The following EIF3A variants were observed in gnomAD, a reference collection of about 807,000 sequenced individuals.
EIF3A encodes EIF3, p180 subunit.
In EIF3A, 21 loss-of-function variants were observed where a neutral mutation model predicts 186.6. That is an observed-to-expected ratio of 0.11 (90% CI 0.08 to 0.16). EIF3A has a LOEUF of 0.16. Among genes scored for constraint, EIF3A ranks in the 10% least tolerant of loss-of-function variants. EIF3A has a pLI of 1.00. For synonymous variants in EIF3A, 563 were observed against 584.3 expected (o/e 0.96, Z 0.52); for missense variants, 1,306 against 1,796.3 (o/e 0.73, Z 4.93).
rs1344899466 is a variant in EIF3A, at chr10:119,073,058, A to C, written c.378-5T>G. The stretch of plus-strand genomic sequence containing the variant: ...CTTACAGCACTTAGGAGAACACTAC[A>C]AAGAAAAAAATGTTGAAAACAATTT... On this transcript the variant is annotated splice_region_variant and splice_polypyrimidine_tract_variant and intron_variant, in intron 3 of 21. Coordinates refer to ENST00000369144, the MANE Select transcript of EIF3A (RefSeq NM_003750.4). The C allele has an allele frequency of 1.3e-6, 2 of 1,589,702 alleles. No individual in the cohort carries two copies. Among genetic ancestry groups the C allele is most frequent in the South Asian group, 1.2e-5 (1 of 86,562 alleles).
chr10:119,048,361 G>A (rs1848309482), intron 17 of EIF3A, among the ~76,000 whole-genome samples: 1 of 152,060 alleles, frequency 6.6e-6, no homozygotes, highest in African/African-American at 2.4e-5. Flanking sequence ...AGAAGGAAGA[G>A]TTGGTTCAAA....
intron 1 of EIF3A, among the ~76,000 whole-genome samples, chr10:119,080,028 T>G (rs1844237048): frequency 6.6e-6 from 1 of 152,200 alleles, no homozygotes; most frequent in African/African-American, 2.4e-5. Flanking sequence ...TCAGGTTAAA[T>G]GGGTCAGAGG....
At chr10:119,054,319 G>A (rs542232714) in intron 14 of EIF3A, among the ~76,000 whole-genome samples, 25 of 152,286 alleles carry the variant, frequency 1.6e-4, no homozygotes, top group African/African-American at 5.8e-4. Flanking sequence ...GAATGTTGTG[G>A]CTGGTTTGAT....
At chr10:119,050,022 G>T (rs779126978) in intron 16 of EIF3A, 37 bp from the exon 17 acceptor site, 2 of 1,595,906 alleles carry the variant, frequency 1.3e-6, no homozygotes, top group South Asian at 2.2e-5. Flanking sequence ...GTGCCTCCCA[G>T]CCATATCTTC....
intron 1 of EIF3A, among the ~76,000 whole-genome samples, chr10:119,079,269 C>T (rs1244945302): frequency 6.6e-6 from 1 of 152,190 alleles, no homozygotes; most frequent in Non-Finnish European, 1.5e-5. Context: ...CTCCATTCCA[C>T]ACAATGTGGA....
At chr10:119,051,355 C>CTTT in intron 14 of EIF3A, 34 bp from the exon 15 acceptor site, 2 of 1,361,248 alleles carry the variant, frequency 1.5e-6, no homozygotes, top group Non-Finnish European at 9.9e-7. Flanking sequence ...TTTCAATGCA[C>CTTT]TTTTTTTTTT....
At chr10:119,073,969 T>A (rs369992134) in intron 1 of EIF3A, 32 bp from the exon 2 acceptor site, 1 of 1,551,424 alleles carries the variant, frequency 6.4e-7, no homozygotes, top group Non-Finnish European at 8.7e-7. Flanking sequence ...AAATTAGTTA[T>A]GTACACTATA....
At chr10:119,074,151 A>ACT (rs1554873332) in intron 1 of EIF3A, among the ~76,000 whole-genome samples, 6 of 152,150 alleles carry the variant, frequency 3.9e-5, no homozygotes, top group African/African-American at 1.4e-4. Context: ...GTAAAACTGA[A>ACT]TCACTGTATT....
At position 119,051,468 on chromosome 10, in the gene EIF3A, T is replaced by C. The variant is rs917473530; in HGVS notation, c.2197-147A>G. On this transcript the variant is annotated intron_variant, in intron 14 of 21. Transcript: ENST00000369144. ...AAAATGAAAACGTTAACTACATCCA[T>C]GTCAATAGGTCCCCAGAAGGCAATT... is the stretch of plus-strand genomic sequence containing the variant. The C allele has an allele frequency of 1.1e-5, 8 of 722,250 alleles. No individual in the cohort carries two copies. The African/African-American group carries it at 1.1e-4, about 10-fold the overall frequency. 44.7% of individuals were successfully genotyped at this position (722,250 alleles called of 1,614,324 possible). A position where few individuals can be genotyped will look rare whatever the true frequency, so the allele number is the denominator to read the frequency against.
At chr10:119,037,706 G>T (rs1447952391) in intron 20 of EIF3A, among the ~76,000 whole-genome samples, 1 of 151,998 alleles carries the variant, frequency 6.6e-6, no homozygotes, top group African/African-American at 2.4e-5. Context: ...CTTTGGCAGC[G>T]GGAACAAGCT....
chr10:119,065,943 C>T (rs1293578391), intron 6 of EIF3A, among the ~76,000 whole-genome samples: 1 of 151,832 alleles, frequency 6.6e-6, no homozygotes, highest in African/African-American at 2.4e-5. Flanking sequence ...GGTGAAACCC[C>T]ATCTCTACTA....
intron 21 of EIF3A, 55 bp downstream of exon 21, chr10:119,037,064 C>T (rs199784581): frequency 1.6e-5 from 11 of 675,324 alleles, no homozygotes; most frequent in Middle Eastern, 3.2e-4. Context: ...CCCAAATCCC[C>T]CCCCCCCCAG....
chr10:119,061,740 T>C (rs1343822551), intron 7 of EIF3A, among the ~76,000 whole-genome samples: 2 of 152,134 alleles, frequency 1.3e-5, no homozygotes, highest in Non-Finnish European at 2.9e-5. Flanking sequence ...TGGGGAGAAT[T>C]CACATATGGT....
At chr10:119,057,716 A>G (rs1368862862) in intron 12 of EIF3A, among the ~76,000 whole-genome samples, 1 of 152,198 alleles carries the variant, frequency 6.6e-6, no homozygotes, top group African/African-American at 2.4e-5. Context: ...CGGAGGTTGC[A>G]GTGAGCTGAG....
At chr10:119,059,424 A>G (rs1489634529) in intron 10 of EIF3A, 27 bp from the exon 11 acceptor site, 8 of 1,495,470 alleles carry the variant, frequency 5.3e-6, no homozygotes, top group Non-Finnish European at 7.3e-6. Context: ...ATCAATGGTT[A>G]AATCCACAAG....
Position 119,050,080 on chromosome 10 carries a change from G to A in EIF3A, c.2474-95C>T, listed in dbSNP as rs544304955. The A allele has an allele frequency of 6.2e-5, 74 of 1,193,834 alleles. 1 individual carries two copies. The South Asian group carries it at 1.1e-3, about 17-fold the overall frequency. 74.0% of individuals were successfully genotyped at this position (1,193,834 alleles called of 1,614,324 possible). ...TCTGGTATTAAACAGGTAGCATAAT[G>A]TACAAGTAAAAGAATTTGAAAATAG... On this transcript the variant is annotated intron_variant, in intron 16 of 21. Transcript: ENST00000369144.
At position 119,065,546 on chromosome 10, in the gene EIF3A, G is replaced by A. The variant is rs1454398436; in HGVS notation, c.975C>T (p.Ala325=). 1 of 1,611,812 alleles carries A rather than the reference G, an allele frequency of 6.2e-7. No homozygotes were observed. Among genetic ancestry groups the A allele is most frequent in the African/African-American group, 1.3e-5 (1 of 74,950 alleles). Residue 325 remains alanine (A), a synonymous_variant, in exon 7 of 22, where the codon GCC becomes GCT. Coordinates refer to ENST00000369144, the MANE Select transcript of EIF3A (RefSeq NM_003750.4). ...CAGGAGTAATAGGGATGGAAAGAGTGGCTAAAAGGACTCTAGTAGACATTC... is the reference window on the plus strand; with the variant it reads ...CAGGAGTAATAGGGATGGAAAGAGTAGCTAAAAGGACTCTAGTAGACATTC... ...MQRMSTRVLL[A]TLSIPITPER... is the part of the protein sequence containing the mutation.
At chr10:119,047,642 C>T (rs1341476290) in intron 17 of EIF3A, among the ~76,000 whole-genome samples, 4 of 152,158 alleles carry the variant, frequency 2.6e-5, no homozygotes, top group South Asian at 4.2e-4. Context: ...AACAAAACAG[C>T]GCTGATTTCA....
chr10:119,076,892 C>G (rs1264671981), intron 1 of EIF3A, among the ~76,000 whole-genome samples: 1 of 143,138 alleles, frequency 7.0e-6, no homozygotes, highest in East Asian at 2.1e-4. Context: ...GCCAAGATTG[C>G]GTCACTGCAC....
Sources: allele counts gnomAD v4.1 joint callset (sites outside exome capture counted in the v4.1 genomes callset), GRCh38; gene constraint gnomAD v4.1.1; transcripts MANE v1.5; gene names NCBI Gene and HGNC (gene_info 2026-07-23, HGNC 2026-07-21).